Variants in DSCAM observed in about 807,000 individuals in gnomAD.
DSCAM encodes cell adhesion molecule DSCAM.
A neutral mutation model predicts 217.7 loss-of-function variants in DSCAM; 47 were observed. The observed-to-expected ratio is 0.22, with a 90% CI of 0.17 to 0.28. The LOEUF (loss-of-function observed/expected upper bound fraction) is 0.28, where lower values mean the gene tolerates loss of function less well. Ranked by LOEUF, DSCAM falls within the 10% of genes least tolerant of loss-of-function variation. The probability of loss-of-function intolerance (pLI) is 1.00; values close to 1 mark genes in which losing one functional copy is unlikely to be tolerated. For missense variants in DSCAM, 2,080 were observed against 2,618.3 expected (o/e 0.79, Z 4.49); for synonymous variants, 1,056 against 1,015.3 (o/e 1.04, Z -0.76).
intron 3 of DSCAM, among the ~76,000 whole-genome samples, chr21:40,603,965 G>T: frequency 7.9e-6 from 1 of 125,998 alleles, no homozygotes; most frequent in Non-Finnish European, 1.6e-5. Context: ...TTGGATATGT[G>T]GTTTAGTGTC....
At chr21:40,605,249 C>A (rs2089216935) in intron 3 of DSCAM, among the ~76,000 whole-genome samples, 1 of 152,146 alleles carries the variant, frequency 6.6e-6, no homozygotes, top group African/African-American at 2.4e-5. Context: ...AAGCTTCTGC[C>A]CCCTGTAAGC....
intron 3 of DSCAM, among the ~76,000 whole-genome samples, chr21:40,445,566 A>ATCG (rs2075668259): frequency 2.6e-5 from 4 of 151,988 alleles, no homozygotes; most frequent in African/African-American, 9.7e-5. Flanking sequence ...TCCCTTGCCC[A>ATCG]TCATCACTTT....
intron 1 of DSCAM, among the ~76,000 whole-genome samples, chr21:40,781,989 AT>A: frequency 1.0e-5 from 1 of 97,548 alleles, no homozygotes; most frequent in African/African-American, 3.8e-5. Flanking sequence ...TCTACTAAAA[AT>A]ACAAAAAAAA....
intron 10 of DSCAM, among the ~76,000 whole-genome samples, chr21:40,277,895 A>T (rs1026763162): frequency 4.0e-5 from 6 of 151,780 alleles, no homozygotes; most frequent in African/African-American, 1.4e-4. Flanking sequence ...AAAAATAATA[A>T]GAAGAAAATA....
At chr21:40,142,753 C>T (rs771400059) in intron 17 of DSCAM, 49 bp from the exon 18 acceptor site, 1 of 1,470,492 alleles carries the variant, frequency 6.8e-7, no homozygotes, top group Admixed American at 2.2e-5. Context: ...GGTTTATGAG[C>T]AAAGCAATAA....
At chr21:40,297,119 G>C (rs191280165) in intron 9 of DSCAM, among the ~76,000 whole-genome samples, 2 of 152,228 alleles carry the variant, frequency 1.3e-5, no homozygotes, top group African/African-American at 4.8e-5. Context: ...TAGTTGCAGT[G>C]AAGTACCATA....
At chr21:40,048,443 G>C (rs2088877106) in intron 30 of DSCAM, among the ~76,000 whole-genome samples, 1 of 152,214 alleles carries the variant, frequency 6.6e-6, no homozygotes, top group Admixed American at 6.5e-5. Flanking sequence ...GAAGTAATCA[G>C]TGCAGCAGAA....
rs770219086 is a variant in DSCAM at position 40,846,676 on chromosome 21, C to T, written c.-15G>A. On this transcript the variant is annotated 5_prime_UTR_variant, in exon 1 of 33. Coordinates refer to ENST00000400454, the MANE Select transcript of DSCAM (RefSeq NM_001389.5). Reference sequence around the variant, plus strand: ...AGTATCCACATGCCCCTGCCGCTCCCCGGCCTCCCGCGAGCGACGCGCCGG... The same window carrying T: ...AGTATCCACATGCCCCTGCCGCTCCTCGGCCTCCCGCGAGCGACGCGCCGG... 59 of 1,197,496 alleles carry T rather than the reference C, an allele frequency of 4.9e-5. No homozygotes were observed. The highest frequency in any genetic ancestry group is 2.3e-4 in the Middle Eastern group (1 of 4,394). 74.2% of individuals were successfully genotyped at this position (1,197,496 alleles called of 1,614,324 possible).
intron 1 of DSCAM, among the ~76,000 whole-genome samples, chr21:40,829,173 T>C (rs555672689): frequency 6.6e-6 from 1 of 152,312 alleles, no homozygotes; most frequent in South Asian, 2.1e-4. Context: ...TGGACGCTGA[T>C]CACATGAAAA....
chr21:40,428,796 G>A (rs2075501491), intron 3 of DSCAM, among the ~76,000 whole-genome samples: 1 of 151,770 alleles, frequency 6.6e-6, no homozygotes, highest in African/African-American at 2.4e-5. Flanking sequence ...CCACTGACAT[G>A]ATATCGTTCT....
At chr21:40,664,042 C>T (rs1004243323) in intron 3 of DSCAM, among the ~76,000 whole-genome samples, 1 of 152,200 alleles carries the variant, frequency 6.6e-6, no homozygotes, top group African/African-American at 2.4e-5. Flanking sequence ...TGCTCAAAGT[C>T]TAGTCGAGCT....
intron 32 of DSCAM, among the ~76,000 whole-genome samples, chr21:40,036,556 G>C (rs1395647140): frequency 6.8e-6 from 1 of 147,514 alleles, no homozygotes; most frequent in Non-Finnish European, 1.5e-5. Flanking sequence ...TCCAGGACCA[G>C]ATGGATTCAC....
intron 3 of DSCAM, among the ~76,000 whole-genome samples, chr21:40,370,226 A>T (rs2074880693): frequency 6.6e-6 from 1 of 151,828 alleles, no homozygotes; most frequent in Non-Finnish European, 1.5e-5. Flanking sequence ...TAATTTCCCT[A>T]AGATAATAAA....
At chr21:40,422,117 A>T (rs1008402233) in intron 3 of DSCAM, among the ~76,000 whole-genome samples, 28 of 152,346 alleles carry the variant, frequency 1.8e-4, no homozygotes, top group African/African-American at 5.5e-4. Context: ...AGACATTGCT[A>T]ATCAATTACT....
chr21:40,271,025 G>A (rs186017692), intron 11 of DSCAM, among the ~76,000 whole-genome samples: 1 of 152,380 alleles, frequency 6.6e-6, no homozygotes, highest in East Asian at 1.9e-4. Context: ...CAGGGCTTGA[G>A]AGTGGCCTGA....
intron 3 of DSCAM, among the ~76,000 whole-genome samples, chr21:40,391,554 A>T (rs1217395361): frequency 6.6e-6 from 1 of 152,198 alleles, no homozygotes; most frequent in East Asian, 1.9e-4. Flanking sequence ...TATCAGTTTC[A>T]TACTATGATT....
intron 1 of DSCAM, among the ~76,000 whole-genome samples, chr21:40,720,191 A>C (rs1021211114): frequency 6.6e-6 from 1 of 152,244 alleles, no homozygotes; most frequent in African/African-American, 2.4e-5. Context: ...TATTGATTTC[A>C]TAGGAATACG....
At chr21:40,482,345 T>C (rs573926594) in intron 3 of DSCAM, among the ~76,000 whole-genome samples, 5 of 152,336 alleles carry the variant, frequency 3.3e-5, no homozygotes, top group South Asian at 2.1e-4. Context: ...TATAACTACA[T>C]TGAAAACACG....
At position 40,737,800 on chromosome 21, in the gene DSCAM, A is replaced by G. The variant is rs149450270; in HGVS notation, c.44-29029T>C. 6.9e-3 allele frequency among the ~76,000 whole-genome samples: 1,057 copies of G among 152,322 alleles called. 15 individuals carry two copies. Among genetic ancestry groups the G allele is most frequent in the African/African-American group, 0.024 (1,008 of 41,582 alleles). ...CAGAGCCTGGCCACATCCAGCATCC[A>G]GCTGACCTCAGAAGGGGCTCTTGAG... is the stretch of plus-strand genomic sequence containing the variant. On this transcript the variant is annotated intron_variant, in intron 1 of 32. Coordinates refer to ENST00000400454, the MANE Select transcript of DSCAM (RefSeq NM_001389.5).
Sources: gnomAD v4.1 joint callset for allele counts (sites outside exome capture counted in the v4.1 genomes callset) on GRCh38, gnomAD v4.1.1 for gene constraint, MANE v1.5 for transcripts, NCBI Gene and HGNC (gene_info 2026-07-23, HGNC 2026-07-21) for gene names.